The following C6orf120 variants were observed in gnomAD, a reference collection of about 807,000 sequenced individuals.
The protein encoded by C6orf120 is UPF0669 protein C6orf120.
For synonymous variants in C6orf120, 165 were observed against 123.1 expected, an observed-to-expected ratio of 1.34 and a Z score of -2.25; for missense variants, 311 against 264.2, an observed-to-expected ratio of 1.18 and a Z score of -1.23.
exon 1 of C6orf120, chr6:169,702,285 C>CCCT: frequency 1.5e-6 from 1 of 677,922 alleles, no homozygotes; most frequent in South Asian, 1.6e-5. Context: ...GTTAACCCAC[C>CCCT]CCTCCTCCCC....
chr6:169,702,552 CGAG>C (rs746982010), exon 1 of C6orf120: 2 of 1,612,608 alleles, frequency 1.2e-6, no homozygotes, highest in South Asian at 1.1e-5. Flanking sequence ...GCTGCGCGGA[CGAG>C]GAGGAGGTCC....
chr6:169,703,908 G>T, exon 1 of C6orf120: 3 of 982,458 alleles, frequency 3.1e-6, no homozygotes, highest in Non-Finnish European at 4.5e-6. Context: ...CTCATAATTT[G>T]CAAAAAAAAT....
exon 1 of C6orf120, chr6:169,703,027 C>G (rs377593831): frequency 3.9e-6 from 6 of 1,551,902 alleles, no homozygotes; most frequent in Non-Finnish European, 5.2e-6. Flanking sequence ...ACTTGAAATT[C>G]TCTTTTGAGT....
exon 1 of C6orf120, chr6:169,702,577 G>A (rs1397534916): frequency 6.2e-7 from 1 of 1,613,128 alleles, no homozygotes; most frequent in Non-Finnish European, 8.5e-7. Context: ...CGAGGAGTGG[G>A]TGCTCCTGCA....
chr6:169,704,164 T>C, exon 1 of C6orf120: 1 of 1,069,220 alleles, frequency 9.4e-7, no homozygotes, highest in Non-Finnish European at 1.3e-6. Flanking sequence ...TAAACTCTTC[T>C]GCCTTAGCTA....
At chr6:169,704,001 T>C in exon 1 of C6orf120, 3 of 1,598,248 alleles carry the variant, frequency 1.9e-6, no homozygotes, top group Non-Finnish European at 2.6e-6. Context: ...TCAAAAACTA[T>C]TTTATCCCTC....
At chr6:169,702,274 G>T in exon 1 of C6orf120, 8 of 687,414 alleles carry the variant, frequency 1.2e-5, no homozygotes, top group Non-Finnish European at 1.1e-5. Flanking sequence ...ACGGGGGAGG[G>T]GTTAACCCAC....
At chr6:169,702,938 A>C in exon 1 of C6orf120, 4 of 1,612,068 alleles carry the variant, frequency 2.5e-6, no homozygotes, top group Middle Eastern at 3.3e-4. Context: ...GGCCAGAAGC[A>C]CGCTGGTGCC....
At chr6:169,702,570 G>C (rs747266030) in exon 1 of C6orf120, 2 of 1,613,072 alleles carry the variant, frequency 1.2e-6, no homozygotes, top group South Asian at 1.1e-5. Flanking sequence ...AGGTCCCCGA[G>C]GAGTGGGTGC....
chr6:169,702,910 G>A (rs759638961), exon 1 of C6orf120: 1 of 1,612,550 alleles, frequency 6.2e-7, no homozygotes, highest in African/African-American at 1.3e-5. Context: ...CGCCTACCCC[G>A]CCGACGGCGC....
chr6:169,704,714 T>C (rs931025791), exon 1 of C6orf120: 1 of 172,150 alleles, frequency 5.8e-6, no homozygotes, highest in Admixed American at 6.5e-5. Flanking sequence ...CTGTGATTTA[T>C]TCAACTCTGT....
downstream of C6orf120, chr6:169,705,322 C>A: frequency 1.3e-6 from 2 of 1,599,676 alleles, no homozygotes; most frequent in Non-Finnish European, 1.7e-6. Flanking sequence ...GAAGGATGGC[C>A]TAAATCAAAA....
upstream of C6orf120, chr6:169,702,183 T>C: frequency 1.5e-6 from 1 of 661,550 alleles, no homozygotes; most frequent in Non-Finnish European, 2.8e-6. Context: ...CGCGGCCCCC[T>C]GCGGGGAGTG....
At chr6:169,705,497 C>G (rs1562983787), downstream of C6orf120, 1 of 737,232 alleles carries the variant, frequency 1.4e-6, no homozygotes, top group Non-Finnish European at 2.4e-6. Context: ...GCCTCACAAG[C>G]TACCCTGTGT....
At chr6:169,703,274 C>T (rs1476212014) in exon 1 of C6orf120, 1 of 553,256 alleles carries the variant, frequency 1.8e-6, no homozygotes, top group Non-Finnish European at 3.3e-6. Context: ...GTTTAGACTC[C>T]ATTTTCATTA....
rs1455918250 is a variant in C6orf120, at chr6:169,702,731, ACTACGAG to A, written c.275_281del (p.Tyr92CysfsTer38). The A allele has an allele frequency of 1.2e-6, 2 of 1,613,532 alleles. No individual in the cohort carries two copies. The highest frequency in any genetic ancestry group is 1.7e-6 in the Non-Finnish European group (2 of 1,180,010). The stretch of plus-strand genomic sequence containing the variant: ...AGCAGCCTGCACCCCAGCTTCGACG[ACTACGAG>A]CTGCAATCGGCCACCTGCGGCCCGG... On this transcript the variant is annotated frameshift_variant, in exon 1 of 1. Coordinates refer to ENST00000332290, the Ensembl canonical transcript of C6orf120. LOFTEE classifies it low-confidence loss of function (END_TRUNC).
chr6:169,703,751 T>A (rs1788615855), exon 1 of C6orf120: 4 of 476,022 alleles, frequency 8.4e-6, no homozygotes, highest in Non-Finnish European at 1.5e-5. Flanking sequence ...GGAGAAACAG[T>A]TAAGTATCTT....
rs767964337 is a variant in C6orf120, at chr6:169,702,818, G to A, written c.359G>A (p.Gly120Glu). 9 of 1,612,576 alleles carry A rather than the reference G, an allele frequency of 5.6e-6. No individual in the cohort carries two copies. In the African/African-American group the frequency reaches 6.7e-5, roughly 12 times the overall value. ...CGCCCAGTGGGCATCGGCGTCTATG[G>A]ACACCCCTCCCACCTGGAGAGCGAG... The change falls in exon 1 of 1, where the codon GGA becomes GAA. Residue 120 changes from glycine to glutamate, a missense_variant. Transcript: ENST00000332290.
At chr6:169,706,299 A>G (rs545197034), downstream of C6orf120, among the ~76,000 whole-genome samples, 7 of 150,142 alleles carry the variant, frequency 4.7e-5, no homozygotes, top group South Asian at 1.3e-3. Context: ...ACGTTTGTGG[A>G]AAACTTAGTT....
Sources: allele counts gnomAD v4.1 joint callset (sites outside exome capture counted in the v4.1 genomes callset), GRCh38; gene constraint gnomAD v4.1.1; transcripts MANE v1.5; gene names NCBI Gene and HGNC (gene_info 2026-07-23, HGNC 2026-07-21).